Variants in TNRC6A observed in about 807,000 individuals in gnomAD.
TNRC6A encodes the protein trinucleotide repeat containing adaptor 6A.
In TNRC6A, 44 loss-of-function variants were observed where a neutral mutation model predicts 221.2. The observed-to-expected ratio is 0.20, with a 90% CI of 0.16 to 0.26. The LOEUF (loss-of-function observed/expected upper bound fraction) is 0.26, where lower values mean the gene tolerates loss of function less well. Among genes scored for constraint, TNRC6A ranks in the 10% least tolerant of loss-of-function variants. The probability of loss-of-function intolerance (pLI) is 1.00; values close to 1 mark genes in which losing one functional copy is unlikely to be tolerated. For synonymous variants in TNRC6A, 847 were observed against 838.5 expected (o/e 1.01, Z -0.18); for missense variants, 2,199 against 2,404.4 (o/e 0.91, Z 1.79).
In TNRC6A at chr16:24,791,595, A is replaced by G. The variant is rs1228186072; in HGVS notation, c.2953A>G (p.Thr985Ala). 1 of 1,591,020 alleles carries G rather than the reference A, an allele frequency of 6.3e-7. No homozygotes were observed. The highest frequency in any genetic ancestry group is 1.2e-5 in the South Asian group (1 of 86,224). Residue 985 changes from threonine (T) to alanine (A), a missense_variant, in exon 6 of 25, where the codon ACA (threonine) becomes GCA (alanine). By Grantham distance (58) the Thr-to-Ala change is moderately conservative. Around this residue, in one of 8 missense-constraint regions of TNRC6A, gnomAD observed 1,405 missense variants for 1,400.2 expected, o/e 1.00. Transcript: ENST00000395799. ...AGCCCCAGCAAAAGAAGAAGAACCC[A>G]CAGGCTGGGAGGAACCATCCCCAGA... ...IPAPAKEEEP[T>A]GWEEPSPESI...
intron 2 of TNRC6A, among the ~76,000 whole-genome samples, chr16:24,700,430 T>G (rs1388721337): frequency 6.6e-6 from 1 of 152,088 alleles, no homozygotes; most frequent in Non-Finnish European, 1.5e-5. Flanking sequence ...GAGACAGGTT[T>G]CACCATGTTG....
chr16:24,652,473 T>A (rs79197674), intron 2 of TNRC6A, among the ~76,000 whole-genome samples: 8,675 of 152,188 alleles, frequency 0.057, 572 homozygotes, highest in African/African-American at 0.16. Flanking sequence ...TTGGCTAATA[T>A]CCAGGTTACC....
At chr16:24,808,218 C>T (rs2058473898) in intron 17 of TNRC6A, among the ~76,000 whole-genome samples, 1 of 152,216 alleles carries the variant, frequency 6.6e-6, no homozygotes, top group Non-Finnish European at 1.5e-5. Flanking sequence ...TGACTGCACA[C>T]TTGACATATA....
intron 2 of TNRC6A, among the ~76,000 whole-genome samples, chr16:24,719,330 A>T (rs930279856): frequency 6.6e-6 from 1 of 152,092 alleles, no homozygotes; most frequent in East Asian, 1.9e-4. Flanking sequence ...AGAGTTTGAG[A>T]CTGGGCAACG....
At chr16:24,631,787 C>CA (rs1368406773) in intron 1 of TNRC6A, among the ~76,000 whole-genome samples, 1 of 150,626 alleles carries the variant, frequency 6.6e-6, no homozygotes, top group African/African-American at 2.4e-5. Context: ...AAAAAAACAA[C>CA]AAAAAAAGAA....
At chr16:24,799,947 C>T (rs941900710) in intron 11 of TNRC6A, among the ~76,000 whole-genome samples, 4 of 152,166 alleles carry the variant, frequency 2.6e-5, no homozygotes, top group Non-Finnish European at 5.9e-5. Flanking sequence ...CCTGGGTTCC[C>T]GACAGTCTTC....
At chr16:24,691,351 G>A (rs920558049) in intron 2 of TNRC6A, among the ~76,000 whole-genome samples, 1 of 152,042 alleles carries the variant, frequency 6.6e-6, no homozygotes, top group African/African-American at 2.4e-5. Flanking sequence ...TCAGAGTGCT[G>A]GGATAACAGG....
At chr16:24,737,439 A>G (rs1245941033) in intron 2 of TNRC6A, among the ~76,000 whole-genome samples, 1 of 152,202 alleles carries the variant, frequency 6.6e-6, no homozygotes, top group African/African-American at 2.4e-5. Context: ...TGATTTGCAT[A>G]CTCTGTGTGT....
At chr16:24,777,385 TCA>T (rs750572200) in intron 5 of TNRC6A, 27 bp downstream of exon 5, 47 of 1,585,200 alleles carry the variant, frequency 3.0e-5, no homozygotes, top group Non-Finnish European at 3.9e-5. Context: ...CTTACGAGAC[TCA>T]CACCTTATCA....
chr16:24,798,244 G>A (rs1338931916), intron 11 of TNRC6A: 4 of 250,808 alleles, frequency 1.6e-5, no homozygotes, highest in Non-Finnish European at 2.3e-5. Context: ...GGAACAGCAC[G>A]TAGAAGGGCC....
rs201242089 is a variant in TNRC6A, at chr16:24,804,303, A to T, written c.3821A>T (p.Asn1274Ile). 1 of 1,612,438 alleles carries T rather than the reference A, an allele frequency of 6.2e-7. No individual in the cohort carries two copies. Among genetic ancestry groups the T allele is most frequent in the Admixed American group, 1.7e-5 (1 of 59,390 alleles). Reference protein sequence around the residue: ...QISKESSMERNPYFDKDGIVA... With the variant: ...QISKESSMERIPYFDKDGIVA... ...TCCAAAGAGTCTTCCATGGAGCGCAATCCTTATTTTGATAAGGTAAGGTTT... is the reference window on the plus strand; with the variant it reads ...TCCAAAGAGTCTTCCATGGAGCGCATTCCTTATTTTGATAAGGTAAGGTTT... Residue 1274 changes from asparagine to isoleucine, a missense_variant, in exon 12 of 25, where the codon AAT becomes ATT. Around this residue, in one of 8 missense-constraint regions of TNRC6A, gnomAD observed 158 missense variants for 159.1 expected, o/e 0.99. Transcript: ENST00000395799.
intron 2 of TNRC6A, among the ~76,000 whole-genome samples, chr16:24,721,413 A>C (rs1422798654): frequency 6.6e-6 from 1 of 152,188 alleles, no homozygotes; most frequent in African/African-American, 2.4e-5. Flanking sequence ...TCATGCCTGT[A>C]ATCCTGGCAC....
intron 2 of TNRC6A, among the ~76,000 whole-genome samples, chr16:24,720,247 T>G (rs1236986713): frequency 6.6e-6 from 1 of 151,990 alleles, no homozygotes; most frequent in Non-Finnish European, 1.5e-5. Flanking sequence ...ATAATAATAA[T>G]AAACATTAGC....
chr16:24,646,604 G>A (rs1902302866), intron 2 of TNRC6A, among the ~76,000 whole-genome samples: 1 of 152,174 alleles, frequency 6.6e-6, no homozygotes, highest in African/African-American at 2.4e-5. Context: ...AAACATAGCT[G>A]GAGGACCATC....
rs368617675 is a variant in TNRC6A at position 24,768,412 on chromosome 16, G to T, written c.164-8521G>T. Among the ~76,000 whole-genome samples, 240 of 129,146 alleles carry T rather than the reference G, an allele frequency of 1.9e-3. 2 individuals carry two copies. Among genetic ancestry groups the T allele is most frequent in the African/African-American group, 6.9e-3 (230 of 33,474 alleles). The allele number at this position is 129,146 out of a possible 152,430, so 84.7% of individuals were successfully genotyped here. A position where few individuals can be genotyped will look rare whatever the true frequency, so the allele number is the denominator to read the frequency against. The stretch of plus-strand genomic sequence containing the variant: ...CGTGCCACTGCACTCTAGCCTGGGG[G>T]ACAGAGCGAGACTCTGTCTCAAAAA... On this transcript the variant is annotated intron_variant, in intron 4 of 24. Coordinates refer to ENST00000395799, the MANE Select transcript of TNRC6A (RefSeq NM_014494.4).
chr16:24,616,911 A>G (rs1353778181), intron 1 of TNRC6A, among the ~76,000 whole-genome samples: 1 of 151,560 alleles, frequency 6.6e-6, no homozygotes, highest in Non-Finnish European at 1.5e-5. Flanking sequence ...ACAGAGTGAG[A>G]CTCCACCTCA....
At position 24,806,500 on chromosome 16, in the gene TNRC6A, T is replaced by C. The variant is rs556913770; in HGVS notation, c.4330-74T>C. ...GCTGAGACGAAAGTGAATTCAAAAATGGAGAGGAATATGTAGTTTTCTGTA... is the reference window on the plus strand; with the variant it reads ...GCTGAGACGAAAGTGAATTCAAAAACGGAGAGGAATATGTAGTTTTCTGTA... On this transcript the variant is annotated intron_variant, in intron 16 of 24. Coordinates refer to ENST00000395799, the MANE Select transcript of TNRC6A (RefSeq NM_014494.4). The C allele has an allele frequency of 1.9e-4, 293 of 1,558,652 alleles. 2 individuals carry two copies. In the South Asian group the frequency reaches 3.1e-3, roughly 17 times the overall value.
intron 11 of TNRC6A, among the ~76,000 whole-genome samples, chr16:24,800,563 A>T (rs1467539874): frequency 6.6e-6 from 1 of 152,166 alleles, no homozygotes; most frequent in African/African-American, 2.4e-5. Context: ...AGGCAACAAA[A>T]ATCTGTGTCC....
chr16:24,699,236 A>G (rs573359866), intron 2 of TNRC6A, among the ~76,000 whole-genome samples: 14 of 152,290 alleles, frequency 9.2e-5, no homozygotes, highest in Middle Eastern at 3.4e-3. Flanking sequence ...ACTAAGTCCT[A>G]TTCGTGCCTC....
Sources: gnomAD v4.1 joint callset for allele counts (sites outside exome capture counted in the v4.1 genomes callset) on GRCh38, gnomAD v4.1.1 for gene constraint, gnomAD v4.1.1 regional missense constraint, MANE v1.5 for transcripts, NCBI Gene and HGNC (gene_info 2026-07-23, HGNC 2026-07-21) for gene names.